SPAG17: variants seen among roughly 807,000 people sequenced by gnomAD.
SPAG17 encodes the protein sperm-associated antigen 17.
In SPAG17, 169 loss-of-function variants were observed where a neutral mutation model predicts 273.6. The observed-to-expected ratio is 0.62, with a 90% CI of 0.55 to 0.70. The LOEUF is 0.70. Ranked by LOEUF, SPAG17 falls within the 30% of genes least tolerant of loss-of-function variation. SPAG17 has a pLI of 0.00. For missense variants in SPAG17, 2,557 were observed against 2,627.8 expected, an observed-to-expected ratio of 0.97 and a Z score of 0.59; for synonymous variants, 825 against 873.2, an observed-to-expected ratio of 0.94 and a Z score of 0.97.
rs574584706 is a variant in SPAG17 at position 118,177,924 on chromosome 1, A to C, written c.87+7147T>G. Reference sequence around the variant, plus strand: ...GAATAATAAGATTGAAGCTGTAATAAAAAATTTCCCACCAAATAAAACCCC... The same window carrying C: ...GAATAATAAGATTGAAGCTGTAATACAAAATTTCCCACCAAATAAAACCCC... On this transcript the variant is annotated intron_variant, in intron 1 of 48. Coordinates refer to ENST00000336338, the MANE Select transcript of SPAG17 (RefSeq NM_206996.4). Among the ~76,000 whole-genome samples the C allele has an allele frequency of 2.6e-5, 4 of 152,302 alleles. No individual in the cohort carries two copies. The South Asian group carries it at 8.3e-4, about 32-fold the overall frequency.
rs1654604347 is a variant in SPAG17 at position 117,971,905 on chromosome 1, G to A, written c.6284C>T (p.Ala2095Val). The A allele has an allele frequency of 1.9e-6, 3 of 1,614,020 alleles. No individual in the cohort carries two copies. The highest frequency in any genetic ancestry group is 2.2e-5 in the South Asian group (2 of 91,042). The change falls in exon 45 of 49, where the codon GCC (alanine) becomes GTC (valine). Residue 2095 changes from alanine to valine, a missense_variant. Transcript: ENST00000336338. Reference protein sequence around the residue: ...FGVLKEGHTYATVVKLKNVGV... With the variant: ...FGVLKEGHTYVTVVKLKNVGV... ...AACATTCTTGAGCTTTACAACTGTG[G>A]CATAGGTATGTCCTTCCTTAAGCAC...
chr1:118,066,997 T>A (rs945420080), intron 17 of SPAG17, 98 bp from the exon 18 acceptor site: 6 of 1,109,772 alleles, frequency 5.4e-6, no homozygotes, highest in Non-Finnish European at 7.6e-6. Context: ...TTTTCCTACA[T>A]TCACCTCTAC....
chr1:118,031,206 G>T, intron 25 of SPAG17, among the ~76,000 whole-genome samples: 1 of 135,354 alleles, frequency 7.4e-6, no homozygotes, highest in Non-Finnish European at 1.6e-5. Flanking sequence ...TTTTTTTGAG[G>T]ACTACTCTTT....
intron 13 of SPAG17, among the ~76,000 whole-genome samples, chr1:118,083,396 C>G (rs992796903): frequency 7.9e-5 from 12 of 152,128 alleles, no homozygotes; most frequent in Non-Finnish European, 1.3e-4. Flanking sequence ...TGTAGACCAG[C>G]TGGAAAGCTA....
At chr1:118,039,617 A>T (rs1286571449) in intron 22 of SPAG17, among the ~76,000 whole-genome samples, 173 bp from the exon 23 acceptor site, 1 of 152,152 alleles carries the variant, frequency 6.6e-6, no homozygotes, top group Non-Finnish European at 1.5e-5. Context: ...AACACAAAGA[A>T]GAGAACAATA....
chr1:118,072,968 T>C (rs981563623), intron 17 of SPAG17, among the ~76,000 whole-genome samples: 2 of 151,552 alleles, frequency 1.3e-5, no homozygotes, highest in Admixed American at 6.6e-5. Context: ...AAGGGGTAAA[T>C]GCACTGAAGA....
At position 117,996,479 on chromosome 1, in the gene SPAG17, A is replaced by G. The variant is rs1657674404; in HGVS notation, c.4944T>C (p.Asp1648=). 6.2e-7 allele frequency: 1 copy of G among 1,612,544 alleles called. No individual in the cohort carries two copies. Among genetic ancestry groups the G allele is most frequent in the African/African-American group, 1.3e-5 (1 of 74,836 alleles). Residue 1648 remains aspartate, a synonymous_variant, in exon 34 of 49, where the codon GAT becomes GAC. Transcript: ENST00000336338. ...CTCGAAGAAGTTCCATTCCTGATCC[A>G]TCAGCATACATAACAAAAAACCTAT... ...HVPRFFVMYA[D]GSGMELLRDS...
At chr1:117,984,633 C>T (rs1656202450) in intron 41 of SPAG17, 50 bp downstream of exon 41, 1 of 1,224,142 alleles carries the variant, frequency 8.2e-7, no homozygotes, top group South Asian at 1.4e-5. Context: ...ATGCAATATA[C>T]CAAATTTATA....
rs1651790058 is a variant in SPAG17 at position 117,954,010 on chromosome 1, G to C, written c.*40C>G. ...TTTCCTTTCTCATCCTCTGTAGGCT[G>C]AGAGGATTATGGAGGCTATTGAGTT... On this transcript the variant is annotated 3_prime_UTR_variant, in exon 49 of 49. Coordinates refer to ENST00000336338, the MANE Select transcript of SPAG17 (RefSeq NM_206996.4). 1 of 1,610,118 alleles carries C rather than the reference G, an allele frequency of 6.2e-7. No individual in the cohort carries two copies. The highest frequency in any genetic ancestry group is 8.5e-7 in the Non-Finnish European group (1 of 1,177,874).
intron 17 of SPAG17, among the ~76,000 whole-genome samples, chr1:118,070,434 C>T (rs1283404326): frequency 6.6e-6 from 1 of 152,158 alleles, no homozygotes; most frequent in Non-Finnish European, 1.5e-5. Flanking sequence ...TTCTGAGCAA[C>T]TGGGCTATTG....
intron 48 of SPAG17, chr1:117,954,747 G>A: frequency 2.8e-6 from 3 of 1,084,796 alleles, no homozygotes; most frequent in Non-Finnish European, 4.0e-6. Flanking sequence ...GTCTTCAAAA[G>A]TCTCTTTTGA....
At chr1:117,970,829 G>A (rs903246025) in intron 45 of SPAG17, among the ~76,000 whole-genome samples, 1 of 152,168 alleles carries the variant, frequency 6.6e-6, no homozygotes, top group Non-Finnish European at 1.5e-5. Context: ...ATACTGGAGC[G>A]ACAGGACCCG....
intron 34 of SPAG17, among the ~76,000 whole-genome samples, chr1:117,995,257 C>G (rs1657526703): frequency 6.6e-6 from 1 of 152,106 alleles, no homozygotes; most frequent in Non-Finnish European, 1.5e-5. Flanking sequence ...GTTAGATTCT[C>G]TCATAGAACT....
At chr1:118,019,693 T>A (rs931869965) in intron 28 of SPAG17, among the ~76,000 whole-genome samples, 8 of 152,156 alleles carry the variant, frequency 5.3e-5, no homozygotes, top group Non-Finnish European at 8.8e-5. Flanking sequence ...GAAATTGTAA[T>A]AAAAAATCAC....
chr1:118,140,038 C>T (rs571263157), intron 3 of SPAG17, among the ~76,000 whole-genome samples: 12 of 152,242 alleles, frequency 7.9e-5, no homozygotes, highest in African/African-American at 2.4e-4. Flanking sequence ...GCCCCCTTGC[C>T]GTGTGATTTC....
intron 1 of SPAG17, among the ~76,000 whole-genome samples, chr1:118,175,092 G>C: frequency 6.6e-6 from 1 of 152,084 alleles, no homozygotes; most frequent in African/African-American, 2.4e-5. Flanking sequence ...GTGCAGTGGC[G>C]CAATCTTGGC....
chr1:118,150,820 T>C (rs1035110554), intron 2 of SPAG17, among the ~76,000 whole-genome samples, 191 bp from the exon 3 acceptor site: 2 of 152,218 alleles, frequency 1.3e-5, no homozygotes, highest in African/African-American at 4.8e-5. Flanking sequence ...ATGTGCCACC[T>C]GGCAGATCTT....
At chr1:118,015,919 T>C (rs373803086) in intron 29 of SPAG17, 46 bp downstream of exon 29, 5 of 1,553,700 alleles carry the variant, frequency 3.2e-6, no homozygotes, top group Non-Finnish European at 4.4e-6. Flanking sequence ...TGTTTCAGAA[T>C]ACTAATGACT....
At chr1:118,146,652 A>G (rs1309536728) in intron 3 of SPAG17, among the ~76,000 whole-genome samples, 2 of 152,112 alleles carry the variant, frequency 1.3e-5, no homozygotes, top group African/African-American at 2.4e-5. Flanking sequence ...GCCCTCTTCC[A>G]CATTTGAAAG....
Sources: gnomAD v4.1 joint callset for allele counts (sites outside exome capture counted in the v4.1 genomes callset) on GRCh38, gnomAD v4.1.1 for gene constraint, MANE v1.5 for transcripts, NCBI Gene and HGNC (gene_info 2026-07-23, HGNC 2026-07-21) for gene names.